Variants in ARHGAP32 observed in about 807,000 individuals in gnomAD.
The protein encoded by ARHGAP32 is Rho GTPase activating protein 32.
A neutral mutation model predicts 186.5 loss-of-function variants in ARHGAP32; 51 were observed. The ratio of observed to expected loss-of-function variants is 0.27; its 90% CI spans 0.22 to 0.35. The LOEUF (loss-of-function observed/expected upper bound fraction) is 0.35, where lower values mean the gene tolerates loss of function less well. ARHGAP32 is among the 10% of genes least tolerant of loss of function. The pLI is 1.00. For missense variants in ARHGAP32, 2,186 were observed against 2,623.5 expected (o/e 0.83, Z 3.64); for synonymous variants, 950 against 964.3 (o/e 0.99, Z 0.27).
intron 11 of ARHGAP32, among the ~76,000 whole-genome samples, chr11:129,010,281 A>C (rs1938010567): frequency 6.6e-6 from 1 of 152,090 alleles, no homozygotes; most frequent in Admixed American, 6.5e-5. Context: ...TGCTGTGCTG[A>C]ATCTCTTTAG....
In ARHGAP32 at chr11:129,066,755, A is replaced by C; in HGVS notation, c.645T>G (p.Ser215=). ...RFSQLSELPR[S]DTLKDSPESV... ...CCTCTGGACTGTCCTTCAGGGTGTC[A>C]GAACGGGGAAGTTCTGAGAGCTGGG... The change falls in exon 7 of 23, where the codon TCT becomes TCG. Residue 215 remains serine, a synonymous_variant. Transcript: ENST00000682385. 6.2e-7 allele frequency: 1 copy of C among 1,612,432 alleles called. No homozygotes were observed. The highest frequency in any genetic ancestry group is 1.3e-5 in the African/African-American group (1 of 74,970).
chr11:129,118,859 T>C (rs1168093242), intron 5 of ARHGAP32, among the ~76,000 whole-genome samples: 2 of 152,054 alleles, frequency 1.3e-5, no homozygotes, highest in African/African-American at 4.8e-5. Flanking sequence ...GCAGAAATTA[T>C]AAAATCTTAG....
intron 15 of ARHGAP32, 147 bp downstream of exon 15, chr11:128,985,856 G>GTATATATA (rs1234875074): frequency 1.3e-3 from 143 of 111,140 alleles, no homozygotes; most frequent in African/African-American, 4.9e-3. Context: ...GTGTGTGTGT[G>GTATATATA]TGTATATATA....
chr11:129,254,165 A>C (rs1323097201), intron 1 of ARHGAP32, among the ~76,000 whole-genome samples: 1 of 152,070 alleles, frequency 6.6e-6, no homozygotes, highest in African/African-American at 2.4e-5. Flanking sequence ...TATTAATTGA[A>C]AGGGGGGGAA....
At chr11:129,147,471 G>A (rs942214505) in intron 2 of ARHGAP32, among the ~76,000 whole-genome samples, 5 of 152,116 alleles carry the variant, frequency 3.3e-5, no homozygotes, top group African/African-American at 1.2e-4. Context: ...GTTACTGAAT[G>A]TTCTTTCCCT....
In ARHGAP32 at chr11:129,063,986, C is replaced by A; in HGVS notation, c.801G>T (p.Glu267Asp). ...NKGNHLLVHE[E>D]SSINTPAVGA... ...CGACAGCAGGAGTGTTGATGGATGA[C>A]TCCTCATGAACCAAAAGGTGATTTC... The change falls in exon 9 of 23, where the codon GAG becomes GAT. Residue 267 changes from glutamate to aspartate, a missense_variant. By Grantham distance (45) the Glu-to-Asp change is conservative. This residue lies in a region of ARHGAP32 where 308 missense variants were observed against 596.5 expected (regional missense o/e 0.52). Coordinates refer to ENST00000682385, the MANE Select transcript of ARHGAP32 (RefSeq NM_001378024.1). 1 of 1,612,394 alleles carries A rather than the reference C, an allele frequency of 6.2e-7. No individual in the cohort carries two copies. Among genetic ancestry groups the A allele is most frequent in the South Asian group, 1.1e-5 (1 of 90,928 alleles).
rs879781926 is a variant in ARHGAP32 at position 129,221,310 on chromosome 11, G to A, written c.-4-56883C>T. ...ATTTTAATTGAATAGAACTTTTAAT[G>A]TCAATTAAACATCACAAACTTCTAT... On this transcript the variant is annotated intron_variant, in intron 1 of 6. Coordinates refer to the ARHGAP32 transcript ENST00000525234. Among the ~76,000 whole-genome samples, 10 of 152,046 alleles carry A rather than the reference G, an allele frequency of 6.6e-5. 1 individual carries two copies. Among genetic ancestry groups the A allele is most frequent in the Admixed American group, 3.9e-4 (6 of 15,258 alleles).
intron 1 of ARHGAP32, among the ~76,000 whole-genome samples, chr11:129,185,383 A>G (rs527973564): frequency 1.3e-5 from 2 of 152,184 alleles, no homozygotes; most frequent in Non-Finnish European, 2.9e-5. Context: ...GTTCTTACTC[A>G]TAGGTGGGAA....
At chr11:128,987,973 G>C (rs1239011583) in intron 13 of ARHGAP32, 50 bp downstream of exon 13, 3 of 1,173,464 alleles carry the variant, frequency 2.6e-6, no homozygotes, top group African/African-American at 3.2e-5. Flanking sequence ...TAAAATATTT[G>C]CATTTTAATT....
intron 5 of ARHGAP32, among the ~76,000 whole-genome samples, chr11:129,102,430 C>A (rs984249819): frequency 2.0e-5 from 3 of 152,152 alleles, no homozygotes; most frequent in Admixed American, 1.3e-4. Context: ...AACCAAGACC[C>A]ATTGGTATGC....
At chr11:129,176,759 C>T (rs1460464214) in intron 1 of ARHGAP32, among the ~76,000 whole-genome samples, 1 of 150,188 alleles carries the variant, frequency 6.7e-6, no homozygotes, top group Non-Finnish European at 1.5e-5. Context: ...ACACAACATA[C>T]CAGAATCTCT....
rs1174575086 is a variant in ARHGAP32 at position 128,980,657 on chromosome 11, C to T, written c.1872G>A (p.Gln624=). The change falls in exon 18 of 23, where the codon CAG becomes CAA. Residue 624 remains glutamine (Q), a synonymous_variant. Transcript: ENST00000682385. ...TTTCCGTCACAATTGGAGAATTGAC[C>T]TGAGCTTGTGTTCGTGCCTGGGCCT... ...LEEAQARTQA[Q]VNSPIVTENK... 1 of 1,613,860 alleles carries T rather than the reference C, an allele frequency of 6.2e-7. No individual in the cohort carries two copies. The highest frequency in any genetic ancestry group is 8.5e-7 in the Non-Finnish European group (1 of 1,179,946).
At chr11:128,997,219 G>A (rs1946224615) in intron 12 of ARHGAP32, among the ~76,000 whole-genome samples, 1 of 152,016 alleles carries the variant, frequency 6.6e-6, no homozygotes, top group Admixed American at 6.6e-5. Flanking sequence ...GTAATCCTCA[G>A]GGGTTTTTTT....
At chr11:129,179,890 C>T (rs958370038) in intron 1 of ARHGAP32, among the ~76,000 whole-genome samples, 6 of 151,922 alleles carry the variant, frequency 3.9e-5, no homozygotes, top group South Asian at 2.1e-4. Context: ...CACGTGTATA[C>T]GTATGTAACT....
At chr11:129,193,600 T>TA (rs1565464663), upstream of ARHGAP32, among the ~76,000 whole-genome samples, 18 of 78,670 alleles carry the variant, frequency 2.3e-4, no homozygotes, top group African/African-American at 6.8e-4. Context: ...ATATGTTATA[T>TA]ATAATATATA....
chr11:128,971,495 C>T (rs575057226), intron 22 of ARHGAP32: 434 of 232,288 alleles, frequency 1.9e-3, no homozygotes, highest in African/African-American at 9.1e-3. Flanking sequence ...AATACATACC[C>T]GGTCTATTAG....
intron 1 of ARHGAP32, among the ~76,000 whole-genome samples, chr11:129,215,327 T>C (rs1268693451): frequency 2.6e-5 from 4 of 152,218 alleles, no homozygotes; most frequent in Non-Finnish European, 5.9e-5. Flanking sequence ...ATGTATGTGC[T>C]AGAACACATC....
At chr11:129,279,516 A>C (rs1423870355), upstream of ARHGAP32, among the ~76,000 whole-genome samples, 1 of 142,840 alleles carries the variant, frequency 7.0e-6, no homozygotes, top group Admixed American at 6.9e-5. Flanking sequence ...CCGCCCCCGC[A>C]GCGCCCCCGC....
At position 129,123,738 on chromosome 11, in the gene ARHGAP32, A is replaced by C; in HGVS notation, c.359+150T>G. ...ATTTAGTGTACAGATCAAAACCCAA[A>C]ATAAAAAAAGCATCACCGTTATCTC... On this transcript the variant is annotated intron_variant, in intron 4 of 22. Transcript: ENST00000682385. This position sits in a 1 kb window ranked among gnomAD's most constrained non-coding sequence, Gnocchi z 4.6. 1 of 748,476 alleles carries C rather than the reference A, an allele frequency of 1.3e-6. No individual in the cohort carries two copies. Among genetic ancestry groups the C allele is most frequent in the Non-Finnish European group, 2.1e-6 (1 of 481,940 alleles). 46.4% of individuals were successfully genotyped at this position (748,476 alleles called of 1,614,324 possible). A position where few individuals can be genotyped will look rare whatever the true frequency, so the allele number is the denominator to read the frequency against.
Sources: allele counts gnomAD v4.1 joint callset (sites outside exome capture counted in the v4.1 genomes callset), GRCh38; gene constraint gnomAD v4.1.1; regional missense constraint gnomAD v4.1.1; non-coding constraint Gnocchi (gnomAD v3.1); transcripts MANE v1.5; gene names NCBI Gene and HGNC (gene_info 2026-07-23, HGNC 2026-07-21).